ZBTB49: variants seen among roughly 807,000 people sequenced by gnomAD.
The protein encoded by ZBTB49 is zinc finger and BTB domain-containing protein 49.
Under a neutral mutation model 57.5 loss-of-function variants are expected in ZBTB49, and 43 were observed. That is an observed-to-expected ratio of 0.75 (90% CI 0.59 to 0.97). The LOEUF is 0.97. ZBTB49 is among the 50% of genes least tolerant of loss of function. The pLI, the probability that ZBTB49 is intolerant of heterozygous loss-of-function variation, is 0.00. For missense variants in ZBTB49, 938 were observed against 947.7 expected (o/e 0.99, Z 0.13); for synonymous variants, 369 against 362.1 (o/e 1.02, Z -0.22).
At position 4,315,893 on chromosome 4, in the gene ZBTB49, CTT is replaced by C. The variant is rs1488061750; in HGVS notation, c.1547_1548del (p.Phe516Ter). ...TTCACCTGTGATGAGTGTGGAAAGT[CTT>C]TTAATATGCAAAGGAAGTTAGTAAA... On this transcript the variant is annotated frameshift_variant, in exon 7 of 8. Coordinates refer to ENST00000337872, the MANE Select transcript of ZBTB49 (RefSeq NM_145291.4). LOFTEE classifies it high-confidence loss of function. 3 of 1,614,194 alleles carry C rather than the reference CTT, an allele frequency of 1.9e-6. No individual in the cohort carries two copies. Among genetic ancestry groups the C allele is most frequent in the South Asian group, 1.1e-5 (1 of 91,082 alleles).
chr4:4,294,393 G>A (rs1720089319), intron 1 of ZBTB49, among the ~76,000 whole-genome samples: 1 of 152,168 alleles, frequency 6.6e-6, no homozygotes, highest in East Asian at 1.9e-4. Flanking sequence ...GTCTCGTTCT[G>A]TTGCCCAGGC....
intron 3 of ZBTB49, among the ~76,000 whole-genome samples, chr4:4,305,820 C>A (rs1369678191): frequency 6.6e-6 from 1 of 152,178 alleles, no homozygotes; most frequent in African/African-American, 2.4e-5. Flanking sequence ...TCGTGCTGTT[C>A]AGCAGGAAAA....
At chr4:4,316,091 T>A in intron 7 of ZBTB49, 121 bp downstream of exon 7, 1 of 1,273,258 alleles carries the variant, frequency 7.9e-7, no homozygotes, top group Non-Finnish European at 1.1e-6. Flanking sequence ...GTTTTTTTAT[T>A]GCCTCACATG....
At chr4:4,291,317 C>G (rs116349931) in intron 1 of ZBTB49, among the ~76,000 whole-genome samples, 2 of 152,190 alleles carry the variant, frequency 1.3e-5, no homozygotes, top group African/African-American at 2.4e-5. Context: ...GCTGTGTCCT[C>G]GCATGGTCTT....
intron 1 of ZBTB49, among the ~76,000 whole-genome samples, chr4:4,297,537 C>T (rs1223786346): frequency 2.6e-5 from 4 of 152,102 alleles, no homozygotes; most frequent in African/African-American, 4.8e-5. Flanking sequence ...TTAATCCCAG[C>T]ACTTTGGGAG....
chr4:4,317,516 A>C (rs144916037), intron 7 of ZBTB49, among the ~76,000 whole-genome samples: 1 of 151,858 alleles, frequency 6.6e-6, no homozygotes, highest in Non-Finnish European at 1.5e-5. Flanking sequence ...GCTGCCACTC[A>C]TCTAGGTTCT....
intron 4 of ZBTB49, among the ~76,000 whole-genome samples, chr4:4,307,269 G>A (rs1368833529): frequency 6.6e-6 from 1 of 152,196 alleles, no homozygotes; most frequent in Non-Finnish European, 1.5e-5. Context: ...GCAGCCAGCA[G>A]ATGCTCAGGA....
chr4:4,309,848 T>G (rs771360830), intron 4 of ZBTB49, among the ~76,000 whole-genome samples: 13 of 152,270 alleles, frequency 8.5e-5, no homozygotes, highest in Non-Finnish European at 1.5e-4. Flanking sequence ...TTGAATGTCC[T>G]TTTATCAAAA....
At chr4:4,316,408 C>T (rs1044935990) in intron 7 of ZBTB49, among the ~76,000 whole-genome samples, 6 of 152,186 alleles carry the variant, frequency 3.9e-5, no homozygotes, top group African/African-American at 9.7e-5. Flanking sequence ...CTTGATGCTT[C>T]GTTTGAGAGC....
intron 5 of ZBTB49, among the ~76,000 whole-genome samples, chr4:4,314,753 G>T (rs1342893733): frequency 6.6e-6 from 1 of 152,242 alleles, no homozygotes; most frequent in Non-Finnish European, 1.5e-5. Context: ...TAGTGGAAAG[G>T]AAAGAACATA....
rs1720562785 is a variant in ZBTB49, at chr4:4,302,910, T to C, written c.1074T>C (p.Ser358=). ...ASSQSAEEKE[S]EEVVSCENFN... The stretch of plus-strand genomic sequence containing the variant: ...GCCAAAGTGCTGAAGAAAAAGAAAG[T>C]GAAGAAGTCGTCAGTTGTGAGAATT... Residue 358 remains serine, a synonymous_variant, in exon 3 of 8, where the codon AGT becomes AGC. Transcript: ENST00000337872. The C allele has an allele frequency of 6.2e-7, 1 of 1,614,000 alleles. No homozygotes were observed. Among genetic ancestry groups the C allele is most frequent in the Non-Finnish European group, 8.5e-7 (1 of 1,180,022 alleles).
At chr4:4,305,721 C>G (rs761855031) in intron 3 of ZBTB49, among the ~76,000 whole-genome samples, 6 of 152,174 alleles carry the variant, frequency 3.9e-5, no homozygotes, top group Non-Finnish European at 8.8e-5. Flanking sequence ...GCTCTCTGTG[C>G]TCATACCTTG....
In ZBTB49 at chr4:4,320,951, G is replaced by C; in HGVS notation, c.1933G>C (p.Asp645His). The C allele has an allele frequency of 6.2e-7, 1 of 1,614,208 alleles. No individual in the cohort carries two copies. Among genetic ancestry groups the C allele is most frequent in the Non-Finnish European group, 8.5e-7 (1 of 1,180,030 alleles). Residue 645 changes from aspartate (D) to histidine (H), a missense_variant, in exon 8 of 8, where the codon GAT becomes CAT. Asp to His is a moderately conservative substitution (Grantham distance 81). Transcript: ENST00000337872. ...AGTGGAAAATTCTGTGGCAGAATTT[G>C]ATAGCCACTCTGGCGGCTCCTATTG... ...HPVENSVAEF[D>H]SHSGGSYCKL...
chr4:4,301,758 C>T (rs1450674342), intron 2 of ZBTB49, among the ~76,000 whole-genome samples: 1 of 151,876 alleles, frequency 6.6e-6, no homozygotes, highest in Non-Finnish European at 1.5e-5. Context: ...TCAAAATTTA[C>T]TTTGAGATAT....
At chr4:4,297,976 A>G (rs1488191487) in intron 1 of ZBTB49, among the ~76,000 whole-genome samples, 1 of 152,218 alleles carries the variant, frequency 6.6e-6, no homozygotes, top group Admixed American at 6.5e-5. Flanking sequence ...GCTCCCCTGT[A>G]GACTGACAGA....
chr4:4,312,262 A>T (rs982867848), intron 4 of ZBTB49, among the ~76,000 whole-genome samples: 1 of 152,236 alleles, frequency 6.6e-6, no homozygotes, highest in Non-Finnish European at 1.5e-5. Flanking sequence ...GCAATGGAAG[A>T]TTTTCCAAAC....
intron 3 of ZBTB49, among the ~76,000 whole-genome samples, chr4:4,304,628 A>G (rs999402155): frequency 1.3e-5 from 2 of 152,220 alleles, no homozygotes; most frequent in African/African-American, 4.8e-5. Context: ...CATGGCAAAG[A>G]TGCTTACTGG....
chr4:4,300,799 T>G (rs1319143679), intron 2 of ZBTB49, among the ~76,000 whole-genome samples: 2 of 151,660 alleles, frequency 1.3e-5, no homozygotes, highest in Non-Finnish European at 2.9e-5. Flanking sequence ...AAAAAAAAAT[T>G]GTTAGAGTTA....
Position 4,313,138 on chromosome 4 carries a change from G to A in ZBTB49, c.1376+24G>A, listed in dbSNP as rs80162676. 5.5e-4 allele frequency: 882 copies of A among 1,613,186 alleles called. 3 individuals carry two copies. The African/African-American group carries it at 8.3e-3, about 15-fold the overall frequency. ...AGGTCAGTGCTGGGCGTGTTCTTCC[G>A]TGTGGAAGGGAGCATGTCTAGTCTC... On this transcript the variant is annotated intron_variant, in intron 5 of 7. Coordinates refer to ENST00000337872, the MANE Select transcript of ZBTB49 (RefSeq NM_145291.4).
Sources: gnomAD v4.1 joint callset for allele counts (sites outside exome capture counted in the v4.1 genomes callset) on GRCh38, gnomAD v4.1.1 for gene constraint, MANE v1.5 for transcripts, NCBI Gene and HGNC (gene_info 2026-07-23, HGNC 2026-07-21) for gene names.